CRTC1: variants seen among roughly 807,000 people sequenced by gnomAD.
The protein encoded by CRTC1 is CREB-regulated transcription coactivator 1.
A neutral mutation model predicts 66.1 loss-of-function variants in CRTC1; 18 were observed. That is an observed-to-expected ratio of 0.27 (90% CI 0.19 to 0.40). The LOEUF is 0.40. Among genes scored for constraint, CRTC1 ranks in the 10% least tolerant of loss-of-function variants. The pLI, the probability that CRTC1 is intolerant of heterozygous loss-of-function variation, is 1.00. For synonymous variants in CRTC1, 416 were observed against 398.8 expected, an observed-to-expected ratio of 1.04 and a Z score of -0.51; for missense variants, 669 against 887.9, an observed-to-expected ratio of 0.75 and a Z score of 3.13.
chr19:18,683,768 G>A lies in CRTC1; in HGVS notation c.66G>A (p.Ala22=), dbSNP rs1351069446. The part of the protein sequence containing the change: ...EKIALHNQKQ[A]EETAAFEEVM... The stretch of plus-strand genomic sequence containing the variant: ...TCGCGCTGCACAATCAGAAGCAGGC[G>A]GAGGAGACGGCGGCCTTCGAGGAGG... The change falls in exon 1 of 14, where the codon GCG becomes GCA. Residue 22 remains alanine (A), a synonymous_variant. Transcript: ENST00000321949. 2 of 1,408,962 alleles carry A rather than the reference G, an allele frequency of 1.4e-6. No homozygotes were observed. Among genetic ancestry groups the A allele is most frequent in the Admixed American group, 2.3e-5 (1 of 43,820 alleles). 87.3% of individuals were successfully genotyped at this position (1,408,962 alleles called of 1,614,324 possible).
intron 11 of CRTC1, among the ~76,000 whole-genome samples, chr19:18,773,595 T>C (rs1156855702): frequency 1.3e-5 from 2 of 152,180 alleles, no homozygotes; most frequent in East Asian, 1.9e-4. Flanking sequence ...CATTACCTAT[T>C]GCCTGCCTGC....
chr19:18,758,067 T>A (rs2054529727), intron 6 of CRTC1, among the ~76,000 whole-genome samples: 1 of 148,458 alleles, frequency 6.7e-6, no homozygotes, highest in Admixed American at 6.8e-5. Flanking sequence ...AACATTTTTT[T>A]AAAAGGCGGA....
chr19:18,717,531 A>G (rs1600827863), intron 1 of CRTC1, among the ~76,000 whole-genome samples: 5 of 152,126 alleles, frequency 3.3e-5, no homozygotes, highest in Non-Finnish European at 7.4e-5. Context: ...GCTCACTCAC[A>G]GGAGCCTGTG....
At position 18,729,439 on chromosome 19, in the gene CRTC1, G is replaced by GA. The variant is rs200645429; in HGVS notation, c.127-13460dup. Among the ~76,000 whole-genome samples, 731 of 139,652 alleles carry GA rather than the reference G, an allele frequency of 5.2e-3. 6 individuals carry two copies. The highest frequency in any genetic ancestry group is 0.016 in the African/African-American group (603 of 38,042). The allele number at this position is 139,652 out of a possible 152,430, so 91.6% of individuals were successfully genotyped here. A position where few individuals can be genotyped will look rare whatever the true frequency, so the allele number is the denominator to read the frequency against. On this transcript the variant is annotated intron_variant, in intron 1 of 13. Coordinates refer to ENST00000321949, the MANE Select transcript of CRTC1 (RefSeq NM_015321.3). ...AGACTCCGTCTCAAAAAAAAAAAAAGAAAAAAAAAAAGAAGTTGGTTCAGG... is the reference window on the plus strand; with the variant it reads ...AGACTCCGTCTCAAAAAAAAAAAAAGAAAAAAAAAAAAGAAGTTGGTTCAGG...
At chr19:18,724,938 C>T (rs1258034396) in intron 1 of CRTC1, among the ~76,000 whole-genome samples, 1 of 151,898 alleles carries the variant, frequency 6.6e-6, no homozygotes, top group Non-Finnish European at 1.5e-5. Context: ...TCTTGGTTGC[C>T]TTGGCAGTTC....
chr19:18,770,808 G>A (rs560684723), intron 10 of CRTC1, among the ~76,000 whole-genome samples: 11 of 151,074 alleles, frequency 7.3e-5, no homozygotes, highest in Non-Finnish European at 1.6e-4. Context: ...GTGTGGGTGT[G>A]TACATGCGTG....
At chr19:18,689,335 A>G (rs1053709919) in intron 1 of CRTC1, among the ~76,000 whole-genome samples, 6 of 150,934 alleles carry the variant, frequency 4.0e-5, no homozygotes, top group Middle Eastern at 3.4e-3. Context: ...ATCCTGCACC[A>G]TGAAGCCTTT....
chr19:18,746,486 C>T (rs10420223), intron 3 of CRTC1, among the ~76,000 whole-genome samples: 1 of 142,330 alleles, frequency 7.0e-6, no homozygotes. Flanking sequence ...GTCCCCCCCT[C>T]CCCCCCAACT....
intron 6 of CRTC1, 110 bp downstream of exon 6, chr19:18,753,695 A>G (rs2054421684): frequency 2.8e-6 from 2 of 706,716 alleles, no homozygotes; most frequent in Middle Eastern, 5.1e-4. Flanking sequence ...TTCCCAAGAC[A>G]GGGAACCTCA....
chr19:18,730,340 G>C (rs1389644457), intron 1 of CRTC1, among the ~76,000 whole-genome samples: 1 of 152,050 alleles, frequency 6.6e-6, no homozygotes, highest in Middle Eastern at 3.2e-3. Flanking sequence ...GGTGAACACC[G>C]AGCCCCCCTG....
intron 1 of CRTC1, among the ~76,000 whole-genome samples, chr19:18,715,421 C>T (rs559960822): frequency 4.6e-5 from 7 of 152,314 alleles, no homozygotes; most frequent in Non-Finnish European, 1.0e-4. Context: ...TTCTAAAGGC[C>T]CTTGCCATTG....
At chr19:18,775,933 A>ACCCCCCCC in intron 13 of CRTC1, 112 bp downstream of exon 13, 1 of 1,202,374 alleles carries the variant, frequency 8.3e-7, no homozygotes, top group Non-Finnish European at 1.1e-6. Flanking sequence ...CGGGGTTGTG[A>ACCCCCCCC]CCCAAGCTTG....
Position 18,747,040 on chromosome 19 carries a change from T to C in CRTC1, c.382-13T>C. The C allele has an allele frequency of 6.2e-7, 1 of 1,611,888 alleles. No individual in the cohort carries two copies. The highest frequency in any genetic ancestry group is 8.5e-7 in the Non-Finnish European group (1 of 1,179,154). On this transcript the variant is annotated splice_polypyrimidine_tract_variant and intron_variant, in intron 3 of 13. Coordinates refer to ENST00000321949, the MANE Select transcript of CRTC1 (RefSeq NM_015321.3). ...GTCTCAGCCAGTGGCACTGCCCCCT[T>C]AACTCACCTCACGCCGACAGCTGCC...
Position 18,781,378 on chromosome 19 carries a change from C to T in CRTC1, c.*3996C>T, listed in dbSNP as rs759290427. 1 of 229,710 alleles carries T rather than the reference C, an allele frequency of 4.4e-6. No homozygotes were observed. Among genetic ancestry groups the T allele is most frequent in the African/African-American group, 2.2e-5 (1 of 45,078 alleles). 14.2% of individuals were successfully genotyped at this position (229,710 alleles called of 1,614,324 possible). Reference sequence around the variant, plus strand: ...CAGGGGCCTCCATTTCCTGGGGGCTCTTGCGGCATGTGATTTGGGGGTCCC... The same window carrying T: ...CAGGGGCCTCCATTTCCTGGGGGCTTTTGCGGCATGTGATTTGGGGGTCCC... On this transcript the variant is annotated 3_prime_UTR_variant, in exon 14 of 14. Coordinates refer to ENST00000321949, the MANE Select transcript of CRTC1 (RefSeq NM_015321.3).
At chr19:18,756,352 A>AAAG (rs761577945) in intron 6 of CRTC1, among the ~76,000 whole-genome samples, 2,351 of 149,794 alleles carry the variant, frequency 0.016, 44 homozygotes, top group Middle Eastern at 0.052. Context: ...AAAAAAAAAA[A>AAAG]AAACTCTAGG....
intron 9 of CRTC1, among the ~76,000 whole-genome samples, chr19:18,765,833 C>T (rs926776785): frequency 1.3e-5 from 2 of 151,862 alleles, no homozygotes; most frequent in South Asian, 2.1e-4. Context: ...TGGTGGTGTG[C>T]GCCTGTGGTC....
At position 18,741,264 on chromosome 19, in the gene CRTC1, G is replaced by A. The variant is rs556030330; in HGVS notation, c.127-1646G>A. ...CATAGTGTAAACAAAGCTGCTTCAGGGAGTTCTTGCCCCTGATGTCTGGCC... is the reference window on the plus strand; with the variant it reads ...CATAGTGTAAACAAAGCTGCTTCAGAGAGTTCTTGCCCCTGATGTCTGGCC... On this transcript the variant is annotated intron_variant, in intron 1 of 13. Transcript: ENST00000321949. The surrounding 1 kb of genome is among the most constrained non-coding windows in gnomAD (Gnocchi z 4.2). 4.6e-5 allele frequency among the ~76,000 whole-genome samples: 7 copies of A among 152,310 alleles called. No individual in the cohort carries two copies. In the South Asian group the frequency reaches 1.2e-3, roughly 27 times the overall value.
At chr19:18,758,136 C>T (rs989240394) in intron 6 of CRTC1, among the ~76,000 whole-genome samples, 8 of 151,546 alleles carry the variant, frequency 5.3e-5, no homozygotes, top group African/African-American at 1.9e-4. Context: ...CCGAGGTGGG[C>T]GGATCATGAG....
chr19:18,726,001 A>G (rs1282809013), intron 1 of CRTC1, among the ~76,000 whole-genome samples: 1 of 152,054 alleles, frequency 6.6e-6, no homozygotes, highest in Non-Finnish European at 1.5e-5. Context: ...ATGTTCTAGA[A>G]AGTGCTTCCT....
Sources: allele counts gnomAD v4.1 joint callset (sites outside exome capture counted in the v4.1 genomes callset), GRCh38; gene constraint gnomAD v4.1.1; non-coding constraint Gnocchi (gnomAD v3.1); transcripts MANE v1.5; gene names NCBI Gene and HGNC (gene_info 2026-07-23, HGNC 2026-07-21).